Variants in NRG1 observed in about 807,000 individuals in gnomAD.
NRG1 encodes pro-neuregulin-1, membrane-bound isoform.
A neutral mutation model predicts 63.8 loss-of-function variants in NRG1; 18 were observed. The ratio of observed to expected loss-of-function variants is 0.28; its 90% CI spans 0.19 to 0.42. NRG1 has a LOEUF of 0.42. Among genes scored for constraint, NRG1 ranks in the 10% least tolerant of loss-of-function variants. NRG1 has a pLI of 1.00. For synonymous variants in NRG1, 302 were observed against 301.3 expected (o/e 1.00, Z -0.02); for missense variants, 762 against 814.7 (o/e 0.94, Z 0.79).
At chr8:31,926,540 T>G (rs1489515248) in intron 1 of NRG1, among the ~76,000 whole-genome samples, 1 of 152,154 alleles carries the variant, frequency 6.6e-6, no homozygotes, top group East Asian at 1.9e-4. Context: ...CGAAAGAGAT[T>G]AGGCATTGGA....
intron 1 of NRG1, among the ~76,000 whole-genome samples, chr8:31,709,510 G>C (rs1369040392): frequency 6.6e-6 from 1 of 151,928 alleles, no homozygotes; most frequent in South Asian, 2.1e-4. Context: ...CTTGTTCTGG[G>C]GCTATTTTAA....
intron 1 of NRG1, among the ~76,000 whole-genome samples, chr8:32,480,777 G>T (rs1315607400): frequency 6.6e-6 from 1 of 152,062 alleles, no homozygotes; most frequent in Non-Finnish European, 1.5e-5. Context: ...AAGAGTTGAG[G>T]GGGAGGTGCC....
At chr8:32,770,277 T>G (rs2129066296), downstream of NRG1, among the ~76,000 whole-genome samples, 1 of 152,296 alleles carries the variant, frequency 6.6e-6, no homozygotes, top group South Asian at 2.1e-4. Context: ...CTTTATCTCC[T>G]TTTTGTTCTC....
intron 1 of NRG1, among the ~76,000 whole-genome samples, chr8:32,540,141 G>A (rs1439892157): frequency 6.6e-6 from 1 of 152,160 alleles, no homozygotes; most frequent in Non-Finnish European, 1.5e-5. Flanking sequence ...GGTTAATTGG[G>A]GTAACCCAGC....
intron 1 of NRG1, among the ~76,000 whole-genome samples, chr8:31,900,828 C>T (rs1171509587): frequency 1.3e-5 from 2 of 152,158 alleles, no homozygotes; most frequent in Non-Finnish European, 2.9e-5. Flanking sequence ...TGCTTCACTG[C>T]GTCTTATCTT....
At position 32,742,921 on chromosome 8, in the gene NRG1, G is replaced by A. The variant is rs763201090; in HGVS notation, c.691+188G>A. ...CAATTGTATTACTTCCTCTGTTCGC[G>A]ACTAGTTGGCTCTGAGATACTAATA... On this transcript the variant is annotated intron_variant, in intron 7 of 11. Transcript: ENST00000356819. This position sits in a 1 kb window ranked among gnomAD's most constrained non-coding sequence, Gnocchi z 4.2. The A allele has an allele frequency of 8.0e-5, 118 of 1,475,916 alleles. No homozygotes were observed. Among genetic ancestry groups the A allele is most frequent in the Non-Finnish European group, 1.0e-4 (113 of 1,112,218 alleles). 91.4% of individuals were successfully genotyped at this position (1,475,916 alleles called of 1,614,324 possible).
chr8:31,769,092 A>G (rs1818362490), intron 1 of NRG1, among the ~76,000 whole-genome samples: 1 of 152,140 alleles, frequency 6.6e-6, no homozygotes, highest in Non-Finnish European at 1.5e-5. Context: ...ATTTCTCAAC[A>G]TTTTGCCAAT....
chr8:32,719,129 A>C (rs1312642059), intron 5 of NRG1, among the ~76,000 whole-genome samples: 1 of 152,156 alleles, frequency 6.6e-6, no homozygotes, highest in Non-Finnish European at 1.5e-5. Flanking sequence ...AGGATCATTT[A>C]GATTATTAGC....
At chr8:31,920,307 A>G (rs1395543357) in intron 1 of NRG1, among the ~76,000 whole-genome samples, 1 of 152,180 alleles carries the variant, frequency 6.6e-6, no homozygotes, top group African/African-American at 2.4e-5. Flanking sequence ...TTAAATTAAA[A>G]AAAAAAGATG....
intron 1 of NRG1, among the ~76,000 whole-genome samples, chr8:31,889,950 GA>G (rs201813209): frequency 5.8e-4 from 88 of 151,570 alleles, no homozygotes; most frequent in African/African-American, 1.6e-3. Flanking sequence ...TATATAAAGT[GA>G]AAAAAAAGAA....
chr8:31,760,498 A>G (rs1267710770), intron 1 of NRG1, among the ~76,000 whole-genome samples: 1 of 152,210 alleles, frequency 6.6e-6, no homozygotes, highest in Non-Finnish European at 1.5e-5. Context: ...AGAAACTATC[A>G]TCAGAATGAA....
At chr8:32,098,084 G>T (rs1408764159) in intron 1 of NRG1, among the ~76,000 whole-genome samples, 8 of 152,210 alleles carry the variant, frequency 5.3e-5, no homozygotes, top group Non-Finnish European at 2.9e-5. Context: ...AGTTGCCAGA[G>T]AAAGAAACCA....
chr8:31,666,651 C>G (rs1806573998), intron 1 of NRG1, among the ~76,000 whole-genome samples: 1 of 152,144 alleles, frequency 6.6e-6, no homozygotes, highest in Non-Finnish European at 1.5e-5. Context: ...GGTTTGGGAA[C>G]TACTAGAAGA....
At chr8:32,278,237 A>G (rs937642677) in intron 1 of NRG1, among the ~76,000 whole-genome samples, 6 of 152,224 alleles carry the variant, frequency 3.9e-5, no homozygotes, top group Admixed American at 6.5e-5. Context: ...GAACACAGAA[A>G]TGGCTCAGAA....
chr8:32,010,769 T>G (rs571239407), intron 1 of NRG1, among the ~76,000 whole-genome samples: 1 of 152,222 alleles, frequency 6.6e-6, no homozygotes, highest in South Asian at 2.1e-4. Flanking sequence ...ATTTTTCTGA[T>G]ATCGTTAGGT....
At chr8:31,817,025 A>G (rs1304871961) in intron 1 of NRG1, among the ~76,000 whole-genome samples, 2 of 152,230 alleles carry the variant, frequency 1.3e-5, no homozygotes, top group Admixed American at 6.5e-5. Context: ...ATTATAAAAA[A>G]AAATTCTCTA....
At chr8:32,699,393 TTC>T (rs1411768960) in intron 5 of NRG1, among the ~76,000 whole-genome samples, 1 of 152,168 alleles carries the variant, frequency 6.6e-6, no homozygotes, top group Non-Finnish European at 1.5e-5. Context: ...CAGACCCAGA[TTC>T]TGATTAGCTA....
intron 5 of NRG1, chr8:32,648,480 G>A: frequency 6.8e-7 from 1 of 1,477,824 alleles, no homozygotes; most frequent in Non-Finnish European, 9.0e-7. Flanking sequence ...TTGCATTTTA[G>A]TTGCCTGGTT....
chr8:31,714,761 T>C (rs888176159), intron 1 of NRG1, among the ~76,000 whole-genome samples: 2 of 152,180 alleles, frequency 1.3e-5, no homozygotes, highest in South Asian at 2.1e-4. Flanking sequence ...CTTGAGCTCT[T>C]TCTTATAAGT....
Sources: gnomAD v4.1 joint callset for allele counts (sites outside exome capture counted in the v4.1 genomes callset) on GRCh38, gnomAD v4.1.1 for gene constraint, Gnocchi (gnomAD v3.1) non-coding constraint, MANE v1.5 for transcripts, NCBI Gene and HGNC (gene_info 2026-07-23, HGNC 2026-07-21) for gene names.